The following SLCO2A1 variants were observed in gnomAD, a reference collection of about 807,000 sequenced individuals.
SLCO2A1 encodes the protein matrin F/G 1.
Under a neutral mutation model 71.7 loss-of-function variants are expected in SLCO2A1, and 60 were observed. That is an observed-to-expected ratio of 0.84 (90% CI 0.68 to 1.04). The LOEUF is 1.04. Among genes scored for constraint, SLCO2A1 ranks in the 50% least tolerant of loss-of-function variants. SLCO2A1 has a pLI of 0.00. For missense variants in SLCO2A1, 745 were observed against 813.4 expected, an observed-to-expected ratio of 0.92 and a Z score of 1.02; for synonymous variants, 308 against 326.7, an observed-to-expected ratio of 0.94 and a Z score of 0.62.
At chr3:134,008,146 T>C (rs1477170078) in intron 1 of SLCO2A1, among the ~76,000 whole-genome samples, 1 of 152,236 alleles carries the variant, frequency 6.6e-6, no homozygotes, top group South Asian at 2.1e-4. Context: ...GAAGGTGACT[T>C]GTTAAAATTC....
chr3:133,958,629 T>G (rs1933950526), intron 3 of SLCO2A1, among the ~76,000 whole-genome samples: 1 of 152,196 alleles, frequency 6.6e-6, no homozygotes, highest in African/African-American at 2.4e-5. Context: ...GCTAACTGAC[T>G]CAACACAGCT....
intron 1 of SLCO2A1, among the ~76,000 whole-genome samples, chr3:134,025,659 T>C (rs1182301840): frequency 6.8e-6 from 1 of 147,440 alleles, no homozygotes; most frequent in Non-Finnish European, 1.5e-5. Context: ...GCCACTTCGA[T>C]AAAAAAAAAA....
At chr3:133,997,795 G>A (rs1381801551) in intron 1 of SLCO2A1, among the ~76,000 whole-genome samples, 1 of 152,256 alleles carries the variant, frequency 6.6e-6, no homozygotes, top group Non-Finnish European at 1.5e-5. Flanking sequence ...GCAAGGGTAA[G>A]GGCATGAGCT....
intron 1 of SLCO2A1, among the ~76,000 whole-genome samples, chr3:133,988,364 CAACT>C (rs759969690): frequency 7.2e-5 from 11 of 152,186 alleles, no homozygotes; most frequent in East Asian, 5.8e-4. Context: ...TAAACCCAAC[CAACT>C]GTCAATCAGA....
chr3:134,001,403 G>A (rs189991697), intron 1 of SLCO2A1, among the ~76,000 whole-genome samples: 2 of 152,252 alleles, frequency 1.3e-5, no homozygotes, highest in South Asian at 2.1e-4. Context: ...GAGCCACCAC[G>A]CCCAGCCTTG....
chr3:133,935,515 G>A (rs552081453), intron 13 of SLCO2A1, among the ~76,000 whole-genome samples: 5 of 152,276 alleles, frequency 3.3e-5, no homozygotes, highest in East Asian at 1.9e-4. Flanking sequence ...AAAGGCTTTC[G>A]GGTCAGGGAA....
chr3:133,940,563 C>T (rs1239654623), intron 11 of SLCO2A1, among the ~76,000 whole-genome samples: 1 of 152,172 alleles, frequency 6.6e-6, no homozygotes, highest in East Asian at 1.9e-4. Context: ...GGAGATTTTC[C>T]TACTCTGTGC....
chr3:134,028,560 A>G (rs9834727), intron 1 of SLCO2A1, among the ~76,000 whole-genome samples: 80,155 of 152,002 alleles, frequency 0.53, 22,619 homozygotes, highest in South Asian at 0.68. Context: ...GGTGAGATCC[A>G]CTCTGACCTC....
At chr3:134,022,059 C>A (rs1576463420) in intron 1 of SLCO2A1, among the ~76,000 whole-genome samples, 1 of 145,378 alleles carries the variant, frequency 6.9e-6, no homozygotes, top group African/African-American at 2.5e-5. Context: ...CAGAAGTATC[C>A]TAAAGGAAAA....
intron 1 of SLCO2A1, among the ~76,000 whole-genome samples, chr3:133,999,135 C>A (rs1034930370): frequency 6.6e-6 from 1 of 152,162 alleles, no homozygotes; most frequent in Non-Finnish European, 1.5e-5. Context: ...GACCTGTGAG[C>A]CTCTCTCTAC....
chr3:134,028,002 C>T (rs1335399610), intron 1 of SLCO2A1, among the ~76,000 whole-genome samples: 3 of 152,194 alleles, frequency 2.0e-5, no homozygotes, highest in Admixed American at 2.0e-4. Context: ...CTTTAGGAGG[C>T]CAATTGGCCT....
At chr3:133,936,181 C>T (rs1933266330) in intron 12 of SLCO2A1, among the ~76,000 whole-genome samples, 1 of 152,198 alleles carries the variant, frequency 6.6e-6, no homozygotes, top group Admixed American at 6.5e-5. Flanking sequence ...ACATAGTTCT[C>T]CTGAGATCAG....
intron 1 of SLCO2A1, among the ~76,000 whole-genome samples, chr3:133,999,647 G>A (rs1021108484): frequency 2.6e-5 from 4 of 152,152 alleles, no homozygotes; most frequent in Admixed American, 6.5e-5. Flanking sequence ...AGAGATCCCT[G>A]GAAAAGTGAG....
intron 3 of SLCO2A1, 151 bp from the exon 4 acceptor site, chr3:133,955,344 C>T (rs985007832): frequency 4.8e-5 from 30 of 619,604 alleles, no homozygotes; most frequent in East Asian, 3.9e-4. Flanking sequence ...TCCTGAGGAC[C>T]GCGTCCTTCT....
chr3:133,974,916 TGTC>T (rs1934411551), intron 2 of SLCO2A1, among the ~76,000 whole-genome samples: 1 of 152,228 alleles, frequency 6.6e-6, no homozygotes, highest in Non-Finnish European at 1.5e-5. Context: ...AGAACATGGC[TGTC>T]ACTAAGGTCA....
At chr3:134,004,286 A>G (rs1210343153) in intron 1 of SLCO2A1, among the ~76,000 whole-genome samples, 1 of 152,196 alleles carries the variant, frequency 6.6e-6, no homozygotes, top group African/African-American at 2.4e-5. Context: ...TTATTGGGAA[A>G]TTATCCTGGA....
chr3:133,983,574 A>G (rs977051756), intron 1 of SLCO2A1, among the ~76,000 whole-genome samples: 1 of 152,220 alleles, frequency 6.6e-6, no homozygotes, highest in Non-Finnish European at 1.5e-5. Flanking sequence ...ACACTCTCAG[A>G]GTTCCCTGAA....
At chr3:134,017,737 G>C (rs1935486465) in intron 1 of SLCO2A1, among the ~76,000 whole-genome samples, 1 of 152,198 alleles carries the variant, frequency 6.6e-6, no homozygotes, top group African/African-American at 2.4e-5. Flanking sequence ...ACATGGAGCA[G>C]GATAAAACTA....
chr3:133,943,052 G>A (rs1397056061), intron 10 of SLCO2A1, among the ~76,000 whole-genome samples: 1 of 152,236 alleles, frequency 6.6e-6, no homozygotes, highest in Non-Finnish European at 1.5e-5. Context: ...AACACTGCCA[G>A]GTTAGGCCCC....
Sources: gnomAD v4.1 joint callset for allele counts (sites outside exome capture counted in the v4.1 genomes callset) on GRCh38, gnomAD v4.1.1 for gene constraint, MANE v1.5 for transcripts, NCBI Gene and HGNC (gene_info 2026-07-23, HGNC 2026-07-21) for gene names.